The following MYBL1 variants were observed in gnomAD, a reference collection of about 807,000 sequenced individuals.
The protein encoded by MYBL1 is myb-related protein A.
MYBL1 carries 17 observed loss-of-function variants against 96.3 expected under a neutral mutation model. The observed-to-expected ratio is 0.18, with a 90% confidence interval of 0.12 to 0.26. The LOEUF (loss-of-function observed/expected upper bound fraction) is 0.26, where lower values mean the gene tolerates loss of function less well. MYBL1 is among the 10% of genes least tolerant of loss of function. The probability of loss-of-function intolerance (pLI) is 1.00; values close to 1 mark genes in which losing one functional copy is unlikely to be tolerated. For missense variants in MYBL1, 701 were observed against 882.9 expected (o/e 0.79, Z 2.61); for synonymous variants, 282 against 292.7 (o/e 0.96, Z 0.37).
At chr8:66,572,937 G>A (rs1260501931) in intron 11 of MYBL1, among the ~76,000 whole-genome samples, 3 of 151,906 alleles carry the variant, frequency 2.0e-5, no homozygotes, top group Non-Finnish European at 4.4e-5. Context: ...AATTCTGGCC[G>A]GCCACAGTGG....
intron 6 of MYBL1, among the ~76,000 whole-genome samples, chr8:66,593,607 G>A (rs1290578616): frequency 6.6e-6 from 1 of 152,158 alleles, no homozygotes; most frequent in African/African-American, 2.4e-5. Context: ...CCTGAAGCAA[G>A]TTTTTCAATG....
At chr8:66,577,186 C>A (rs1285705845) in intron 9 of MYBL1, among the ~76,000 whole-genome samples, 1 of 151,138 alleles carries the variant, frequency 6.6e-6, no homozygotes, top group East Asian at 1.9e-4. Context: ...GATGCCCTCT[C>A]TCACCACTCC....
intron 8 of MYBL1, among the ~76,000 whole-genome samples, chr8:66,581,206 A>T (rs1035233079): frequency 6.6e-6 from 1 of 152,140 alleles, no homozygotes; most frequent in Non-Finnish European, 1.5e-5. Context: ...CATTTATAAT[A>T]ATGTCCTAAT....
At chr8:66,577,015 C>A (rs1320092427) in intron 9 of MYBL1, among the ~76,000 whole-genome samples, 1 of 152,056 alleles carries the variant, frequency 6.6e-6, no homozygotes, top group African/African-American at 2.4e-5. Flanking sequence ...AGGCCTTTGA[C>A]AAAATTCAAC....
chr8:66,609,427 CA>C (rs769865191), intron 1 of MYBL1, among the ~76,000 whole-genome samples: 87 of 146,826 alleles, frequency 5.9e-4, no homozygotes, highest in Middle Eastern at 6.9e-3. Context: ...TTATCACAGA[CA>C]AAAAAAAAAT....
chr8:66,581,753 A>AT (rs1248734087), intron 8 of MYBL1, among the ~76,000 whole-genome samples: 11 of 152,208 alleles, frequency 7.2e-5, no homozygotes, highest in African/African-American at 2.7e-4. Flanking sequence ...ATAACAGCAG[A>AT]TTTATTTGAA....
In MYBL1 at chr8:66,585,504, G is replaced by A. The variant is rs539227596; in HGVS notation, c.868-5138C>T. On this transcript the variant is annotated intron_variant, in intron 8 of 15. Transcript: ENST00000522677. ...GCCTGTAATCCCAGCACTTTGGGAG[G>A]CCGAGGCAGGCAGATCACTTGAGGT... Among the ~76,000 whole-genome samples, 10 of 152,296 alleles carry A rather than the reference G, an allele frequency of 6.6e-5. No homozygotes were observed. In the South Asian group the frequency reaches 2.1e-3, roughly 32 times the overall value.
intron 3 of MYBL1, among the ~76,000 whole-genome samples, chr8:66,600,070 T>C (rs905820456): frequency 1.3e-5 from 2 of 152,126 alleles, no homozygotes; most frequent in Non-Finnish European, 2.9e-5. Flanking sequence ...TGTTGACACT[T>C]AAAAAGAAAA....
rs1339378233 is a variant in MYBL1, at chr8:66,564,300, T to A, written c.*397A>T. The A allele has an allele frequency of 6.5e-6, 1 of 152,926 alleles. No homozygotes were observed. Among genetic ancestry groups the A allele is most frequent in the East Asian group, 1.9e-4 (1 of 5,216 alleles). The allele number at this position is 152,926 out of a possible 1,614,324, so 9.5% of individuals were successfully genotyped here. A position where few individuals can be genotyped will look rare whatever the true frequency, so the allele number is the denominator to read the frequency against. On this transcript the variant is annotated 3_prime_UTR_variant, in exon 16 of 16. Coordinates refer to ENST00000522677, the MANE Select transcript of MYBL1 (RefSeq NM_001080416.4). ...GGCAAAAGTACTTCATAAAATCATG[T>A]GTGCTTTCCATACATAGACTAATTT...
At chr8:66,602,765 A>G (rs1299964885) in intron 1 of MYBL1, among the ~76,000 whole-genome samples, 2 of 67,370 alleles carry the variant, frequency 3.0e-5, no homozygotes, top group Non-Finnish European at 5.1e-5. Context: ...TTTTTTTCTG[A>G]GACGGAGTCT....
chr8:66,592,599 T>G (rs753887823), intron 7 of MYBL1, 55 bp from the exon 8 acceptor site: 85 of 1,009,364 alleles, frequency 8.4e-5, no homozygotes, highest in Non-Finnish European at 1.1e-4. Context: ...TGCTTTATTA[T>G]TAGTATTCTC....
chr8:66,591,078 G>A (rs192848509), intron 8 of MYBL1, among the ~76,000 whole-genome samples: 179 of 152,184 alleles, frequency 1.2e-3, no homozygotes, highest in Non-Finnish European at 1.9e-3. Context: ...GGTTAGGTGC[G>A]GTGGCTCACG....
intron 11 of MYBL1, 128 bp from the exon 12 acceptor site, chr8:66,572,724 A>G: frequency 2.4e-6 from 1 of 422,454 alleles, no homozygotes; most frequent in Non-Finnish European, 4.2e-6. Flanking sequence ...TAAACATTCT[A>G]AGACTATTTT....
intron 10 of MYBL1, among the ~76,000 whole-genome samples, chr8:66,574,631 C>T (rs1406407063): frequency 6.6e-6 from 1 of 152,232 alleles, no homozygotes; most frequent in Non-Finnish European, 1.5e-5. Flanking sequence ...ACTTTGTAGC[C>T]TCTGCCAAAC....
At chr8:66,607,172 T>C (rs1810352162) in intron 1 of MYBL1, among the ~76,000 whole-genome samples, 1 of 151,914 alleles carries the variant, frequency 6.6e-6, no homozygotes, top group Non-Finnish European at 1.5e-5. Context: ...TGATTAAATA[T>C]CTGATACATG....
At chr8:66,605,726 G>T (rs965335998) in intron 1 of MYBL1, among the ~76,000 whole-genome samples, 2 of 152,140 alleles carry the variant, frequency 1.3e-5, no homozygotes, top group Admixed American at 6.5e-5. Flanking sequence ...TGAGGCAGGA[G>T]AATCACTTGA....
At position 66,595,708 on chromosome 8, in the gene MYBL1, CT is replaced by C; in HGVS notation, c.561del (p.Val188TrpfsTer11). ...KNHWNSTMRR[K>X]VEQEGYLQDG... ...TCTTGTAAATAGCCCTCCTGTTCCA[CT>C]TTTCTTCGCATAGTAGAATTCCAAT... is the stretch of plus-strand genomic sequence containing the variant. On this transcript the variant is annotated frameshift_variant, in exon 6 of 16. Transcript: ENST00000522677. LOFTEE classifies it high-confidence loss of function. The C allele has an allele frequency of 6.3e-7, 1 of 1,578,230 alleles. No individual in the cohort carries two copies. The highest frequency in any genetic ancestry group is 1.2e-5 in the South Asian group (1 of 86,222).
intron 12 of MYBL1, among the ~76,000 whole-genome samples, chr8:66,567,703 C>T (rs928728931): frequency 6.6e-6 from 1 of 152,128 alleles, no homozygotes; most frequent in Non-Finnish European, 1.5e-5. Flanking sequence ...CTAACTTATA[C>T]CTTTCATAAC....
chr8:66,589,239 T>G (rs1397316010), intron 8 of MYBL1, among the ~76,000 whole-genome samples: 3 of 152,158 alleles, frequency 2.0e-5, no homozygotes, highest in African/African-American at 7.2e-5. Flanking sequence ...AAGGGTAAGA[T>G]TCTATTAAAA....
Sources: allele counts gnomAD v4.1 joint callset (sites outside exome capture counted in the v4.1 genomes callset), GRCh38; gene constraint gnomAD v4.1.1; transcripts MANE v1.5; gene names NCBI Gene and HGNC (gene_info 2026-07-23, HGNC 2026-07-21).